The following PELI2 variants were observed in gnomAD, a reference collection of about 807,000 sequenced individuals.
PELI2 encodes the protein E3 ubiquitin-protein ligase pellino homolog 2.
A neutral mutation model predicts 42.3 loss-of-function variants in PELI2; 23 were observed. That is an observed-to-expected ratio of 0.54 (90% CI 0.39 to 0.77). PELI2 has a LOEUF of 0.77. PELI2 is among the 30% of genes least tolerant of loss of function. The pLI is 0.00. For missense variants in PELI2, 463 were observed against 553.2 expected (o/e 0.84, Z 1.64); for synonymous variants, 245 against 212.2 (o/e 1.15, Z -1.34).
intron 1 of PELI2, among the ~76,000 whole-genome samples, chr14:56,158,410 C>T (rs1277461447): frequency 5.3e-5 from 8 of 152,076 alleles, no homozygotes; most frequent in Non-Finnish European, 1.2e-4. Flanking sequence ...GGTATGATCT[C>T]GGCTCCCTGC....
At chr14:56,184,419 C>A (rs1885695624) in intron 2 of PELI2, among the ~76,000 whole-genome samples, 1 of 151,846 alleles carries the variant, frequency 6.6e-6, no homozygotes, top group Non-Finnish European at 1.5e-5. Context: ...CATTGCCTGG[C>A]AAATTAAAAG....
At chr14:56,152,680 A>G (rs10129247) in intron 1 of PELI2, among the ~76,000 whole-genome samples, 118 of 152,320 alleles carry the variant, frequency 7.7e-4, no homozygotes, top group African/African-American at 2.7e-3. Flanking sequence ...TTTTTCATAT[A>G]TATTCTTCCT....
chr14:56,128,071 A>G (rs1883343582), intron 1 of PELI2, among the ~76,000 whole-genome samples: 1 of 152,188 alleles, frequency 6.6e-6, no homozygotes, highest in African/African-American at 2.4e-5. Flanking sequence ...CTTTAAGATG[A>G]AGAAAAAAAA....
Position 56,125,416 on chromosome 14 carries a change from A to G in PELI2, c.77+6679A>G, listed in dbSNP as rs867789512. On this transcript the variant is annotated intron_variant, in intron 1 of 5. Transcript: ENST00000267460. ...GGAGGAAGAGAGTTATTGGGTGGGCAGGGGGGGGGTGAATTGGCAGGGTGA... is the reference window on the plus strand; with the variant it reads ...GGAGGAAGAGAGTTATTGGGTGGGCGGGGGGGGGGTGAATTGGCAGGGTGA... Among the ~76,000 whole-genome samples, 338 of 112,082 alleles carry G rather than the reference A, an allele frequency of 3.0e-3. 2 individuals carry two copies. The highest frequency in any genetic ancestry group is 0.011 in the African/African-American group (286 of 26,598). The allele number at this position is 112,082 out of a possible 152,430, so 73.5% of individuals were successfully genotyped here.
chr14:56,172,820 C>T (rs544671746), intron 1 of PELI2, among the ~76,000 whole-genome samples: 2 of 152,136 alleles, frequency 1.3e-5, no homozygotes, highest in Non-Finnish European at 2.9e-5. Flanking sequence ...CATTCTTTTC[C>T]AAATCGTGGT....
chr14:56,191,244 G>A lies in PELI2; in HGVS notation c.207+12780G>A, dbSNP rs573301011. ...GAATGAATGAGCAACACCCAGCTAG[G>A]ACTCTTAGAATCTGTTGCTTTTTAG... On this transcript the variant is annotated intron_variant, in intron 2 of 5. Transcript: ENST00000267460. Among the ~76,000 whole-genome samples the A allele has an allele frequency of 5.3e-5, 8 of 152,322 alleles. No individual in the cohort carries two copies. In the South Asian group the frequency reaches 6.2e-4, roughly 12 times the overall value.
chr14:56,141,073 A>G lies in PELI2; in HGVS notation c.77+22336A>G, dbSNP rs556181812. On this transcript the variant is annotated intron_variant, in intron 1 of 5. Transcript: ENST00000267460. The stretch of plus-strand genomic sequence containing the variant: ...CTGGTTTGGTGAGAACCCAAAGGCT[A>G]TGGCAAGGCTTGGACCATCAGGGAG... Among the ~76,000 whole-genome samples the G allele has an allele frequency of 1.2e-3, 186 of 152,334 alleles. 1 individual carries two copies. The highest frequency in any genetic ancestry group is 4.8e-3 in the South Asian group (23 of 4,826).
At chr14:56,225,119 G>C (rs1251156073) in intron 2 of PELI2, among the ~76,000 whole-genome samples, 1 of 152,180 alleles carries the variant, frequency 6.6e-6, no homozygotes, top group Non-Finnish European at 1.5e-5. Flanking sequence ...TATGTAATCA[G>C]TGTTTGGTAA....
intron 3 of PELI2, among the ~76,000 whole-genome samples, chr14:56,285,228 A>T (rs1889607524): frequency 1.3e-5 from 2 of 152,170 alleles, no homozygotes; most frequent in Admixed American, 1.3e-4. Flanking sequence ...AAGTAGAAGG[A>T]TTGAGGATGT....
chr14:56,297,321 G>A lies in PELI2; in HGVS notation c.*155G>A, dbSNP rs1890042926. Reference sequence around the variant, plus strand: ...GACATGGTGATGAAACATGGCAGGAGTGTAACAGATACCAGTGGTGTGTTG... The same window carrying A: ...GACATGGTGATGAAACATGGCAGGAATGTAACAGATACCAGTGGTGTGTTG... On this transcript the variant is annotated 3_prime_UTR_variant, in exon 6 of 6. Coordinates refer to ENST00000267460, the MANE Select transcript of PELI2 (RefSeq NM_021255.3). 1.6e-6 allele frequency: 1 copy of A among 611,362 alleles called. No individual in the cohort carries two copies. Among genetic ancestry groups the A allele is most frequent in the Admixed American group, 2.9e-5 (1 of 34,678 alleles). 37.9% of individuals were successfully genotyped at this position (611,362 alleles called of 1,614,324 possible). A position where few individuals can be genotyped will look rare whatever the true frequency, so the allele number is the denominator to read the frequency against.
At chr14:56,210,503 C>T (rs185296988) in intron 2 of PELI2, among the ~76,000 whole-genome samples, 5 of 151,622 alleles carry the variant, frequency 3.3e-5, no homozygotes, top group African/African-American at 7.3e-5. Flanking sequence ...ATCCTAGAGA[C>T]GAATAGGGAG....
chr14:56,237,520 A>G (rs1887840338), intron 2 of PELI2, among the ~76,000 whole-genome samples: 1 of 152,000 alleles, frequency 6.6e-6, no homozygotes, highest in African/African-American at 2.4e-5. Flanking sequence ...GAAGCAACAC[A>G]GATGAATCTC....
At chr14:56,170,809 T>TA (rs1362602009) in intron 1 of PELI2, among the ~76,000 whole-genome samples, 1 of 152,210 alleles carries the variant, frequency 6.6e-6, no homozygotes, top group Non-Finnish European at 1.5e-5. Context: ...ACCCTTACTG[T>TA]AAAGACCAAC....
At chr14:56,252,962 A>T (rs754875948) in intron 2 of PELI2, among the ~76,000 whole-genome samples, 8 of 152,162 alleles carry the variant, frequency 5.3e-5, no homozygotes, top group Admixed American at 3.3e-4. Context: ...TCCTCAGTAA[A>T]ATACTGGCAA....
At chr14:56,267,125 C>T (rs1888935469) in intron 2 of PELI2, among the ~76,000 whole-genome samples, 1 of 152,040 alleles carries the variant, frequency 6.6e-6, no homozygotes, top group Non-Finnish European at 1.5e-5. Context: ...CATTTAGTAA[C>T]TTGTGTACAT....
intron 1 of PELI2, among the ~76,000 whole-genome samples, chr14:56,177,298 G>A (rs1234105680): frequency 6.6e-6 from 1 of 152,192 alleles, no homozygotes; most frequent in African/African-American, 2.4e-5. Flanking sequence ...TCCCTTCTGG[G>A]TGTAGCTGGA....
chr14:56,239,309 A>G (rs1369873731), intron 2 of PELI2, among the ~76,000 whole-genome samples: 2 of 152,200 alleles, frequency 1.3e-5, no homozygotes, highest in Non-Finnish European at 2.9e-5. Context: ...AAAATAGGGA[A>G]ATAGTCCTCA....
intron 2 of PELI2, among the ~76,000 whole-genome samples, chr14:56,207,465 GA>G (rs1886559798): frequency 6.6e-6 from 1 of 152,276 alleles, no homozygotes; most frequent in East Asian, 1.9e-4. Flanking sequence ...ACTCCAGCAA[GA>G]AAATTTGAAG....
chr14:56,290,995 G>C (rs1411715396), intron 5 of PELI2, among the ~76,000 whole-genome samples: 13 of 152,092 alleles, frequency 8.5e-5, no homozygotes, highest in African/African-American at 2.9e-4. Context: ...CATTGACCTG[G>C]CATGTTAATA....
Sources: gnomAD v4.1 joint callset for allele counts (sites outside exome capture counted in the v4.1 genomes callset) on GRCh38, gnomAD v4.1.1 for gene constraint, MANE v1.5 for transcripts, NCBI Gene and HGNC (gene_info 2026-07-23, HGNC 2026-07-21) for gene names.